The following SLC39A9 variants were observed in gnomAD, a reference collection of about 807,000 sequenced individuals.
The protein encoded by SLC39A9 is solute carrier family 39 member 9, also known as zinc transporter ZIP9.
Under a neutral mutation model 28.4 loss-of-function variants are expected in SLC39A9, and 14 were observed. The ratio of observed to expected loss-of-function variants is 0.49; its 90% CI spans 0.33 to 0.77. The LOEUF is 0.77. Ranked by LOEUF, SLC39A9 falls within the 30% of genes least tolerant of loss-of-function variation. The pLI is 0.02. For synonymous variants in SLC39A9, 119 were observed against 149.6 expected, an observed-to-expected ratio of 0.80 and a Z score of 1.49; for missense variants, 283 against 381.1, an observed-to-expected ratio of 0.74 and a Z score of 2.14.
At chr14:69,430,354 T>C (rs116276413) in intron 2 of SLC39A9, among the ~76,000 whole-genome samples, 119 of 152,358 alleles carry the variant, frequency 7.8e-4, no homozygotes, top group African/African-American at 2.6e-3. Flanking sequence ...TGATCTATTT[T>C]GAATGCAGGT....
chr14:69,461,785 A>G lies in SLC39A9; in HGVS notation c.*3192A>G. On this transcript the variant is annotated 3_prime_UTR_variant, in exon 7 of 7. Coordinates refer to ENST00000336643, the MANE Select transcript of SLC39A9 (RefSeq NM_018375.5). ...AGGGACTGAACACAGGAACCGTATG[A>G]CAGCAGCACAAACCCCCAAAGGATG... The G allele has an allele frequency of 1.3e-6, 2 of 1,522,720 alleles. No homozygotes were observed. The highest frequency in any genetic ancestry group is 2.0e-5 in the Admixed American group (1 of 50,036). The allele number at this position is 1,522,720 out of a possible 1,614,324, so 94.3% of individuals were successfully genotyped here.
chr14:69,461,643 T>G lies in SLC39A9; in HGVS notation c.*3050T>G. ...GAAAGGAGAAAATGTGATTGTGTTT[T>G]TTTTTTACCAGCCTACTTCTAAGTG... On this transcript the variant is annotated 3_prime_UTR_variant, in exon 7 of 7. Transcript: ENST00000336643. 1 of 1,531,716 alleles carries G rather than the reference T, an allele frequency of 6.5e-7. No individual in the cohort carries two copies. The highest frequency in any genetic ancestry group is 8.7e-7 in the Non-Finnish European group (1 of 1,145,644). The allele number at this position is 1,531,716 out of a possible 1,614,324, so 94.9% of individuals were successfully genotyped here.
At chr14:69,425,434 A>G (rs1395747754) in intron 2 of SLC39A9, among the ~76,000 whole-genome samples, 2 of 152,084 alleles carry the variant, frequency 1.3e-5, no homozygotes, top group African/African-American at 2.4e-5. Context: ...GATAATGAAA[A>G]TTCCTTGAGG....
At chr14:69,399,562 C>A in intron 1 of SLC39A9, 97 bp downstream of exon 1, 1 of 861,860 alleles carries the variant, frequency 1.2e-6, no homozygotes, top group Non-Finnish European at 1.9e-6. Context: ...AATCTCAAAG[C>A]TGAAGGTCTC....
chr14:69,439,302 G>A (rs747594728), intron 2 of SLC39A9, among the ~76,000 whole-genome samples: 8 of 151,868 alleles, frequency 5.3e-5, no homozygotes, highest in Non-Finnish European at 8.8e-5. Flanking sequence ...TACACGTTGC[G>A]CACATGTACC....
intron 1 of SLC39A9, among the ~76,000 whole-genome samples, chr14:69,402,370 T>C (rs75962672): frequency 0.12 from 18,751 of 152,300 alleles, 1,379 homozygotes; most frequent in Middle Eastern, 0.24. Flanking sequence ...AAGATATGCT[T>C]TTTATTCATG....
chr14:69,458,827 G>A lies in SLC39A9; in HGVS notation c.*234G>A, dbSNP rs1199673443. On this transcript the variant is annotated 3_prime_UTR_variant, in exon 7 of 7. Coordinates refer to ENST00000336643, the MANE Select transcript of SLC39A9 (RefSeq NM_018375.5). ...ATCCCATTGTGTTATCTTTTAAAAG[G>A]CCCTTGACATTTTGCGTTTTAATAT... 1.3e-5 allele frequency: 17 copies of A among 1,263,996 alleles called. No individual in the cohort carries two copies. Among genetic ancestry groups the A allele is most frequent in the South Asian group, 3.2e-5 (1 of 30,796 alleles). The allele number at this position is 1,263,996 out of a possible 1,614,324, so 78.3% of individuals were successfully genotyped here.
chr14:69,434,474 C>A (rs1469189341), intron 2 of SLC39A9, among the ~76,000 whole-genome samples: 1 of 151,832 alleles, frequency 6.6e-6, no homozygotes, highest in Non-Finnish European at 1.5e-5. Context: ...TAACTTCAGA[C>A]CAGGAGTTTG....
Position 69,443,825 on chromosome 14 carries a change from C to T in SLC39A9, c.403+1559C>T, listed in dbSNP as rs982844198. On this transcript the variant is annotated intron_variant, in intron 3 of 6. Transcript: ENST00000336643. ...TTGAGGCTGCAGTGAGCTGAGATCACGCCACTGCACTCCAGCCTGGGTGAC... is the reference window on the plus strand; with the variant it reads ...TTGAGGCTGCAGTGAGCTGAGATCATGCCACTGCACTCCAGCCTGGGTGAC... Among the ~76,000 whole-genome samples, 3 of 152,086 alleles carry T rather than the reference C, an allele frequency of 2.0e-5. No homozygotes were observed. In the East Asian group the frequency reaches 5.8e-4, roughly 29 times the overall value.
At chr14:69,436,637 G>A (rs967254425) in intron 2 of SLC39A9, among the ~76,000 whole-genome samples, 1 of 152,144 alleles carries the variant, frequency 6.6e-6, no homozygotes, top group Non-Finnish European at 1.5e-5. Context: ...GCTATGTCCT[G>A]TGTATACTGA....
At chr14:69,410,929 A>G (rs1223284932) in intron 1 of SLC39A9, among the ~76,000 whole-genome samples, 4 of 152,154 alleles carry the variant, frequency 2.6e-5, no homozygotes, top group Non-Finnish European at 5.9e-5. Flanking sequence ...AAGCTTTTAA[A>G]GACTGGATGC....
intron 2 of SLC39A9, among the ~76,000 whole-genome samples, chr14:69,441,084 C>G (rs879859991): frequency 2.6e-5 from 4 of 152,114 alleles, no homozygotes; most frequent in Non-Finnish European, 5.9e-5. Flanking sequence ...TCAAGACCAG[C>G]CTAGGCAACA....
chr14:69,417,957 A>C (rs1225312544), intron 1 of SLC39A9, among the ~76,000 whole-genome samples: 1 of 151,966 alleles, frequency 6.6e-6, no homozygotes, highest in Non-Finnish European at 1.5e-5. Context: ...AATACCCTTT[A>C]TTTCTTTCTC....
intron 1 of SLC39A9, among the ~76,000 whole-genome samples, chr14:69,415,709 T>G (rs2140262826): frequency 6.6e-6 from 1 of 152,246 alleles, no homozygotes; most frequent in South Asian, 2.1e-4. Context: ...CGTTGCAGCT[T>G]TAGTTTCCCC....
At chr14:69,415,142 T>G (rs1165454573) in intron 1 of SLC39A9, among the ~76,000 whole-genome samples, 1 of 152,252 alleles carries the variant, frequency 6.6e-6, no homozygotes, top group Non-Finnish European at 1.5e-5. Context: ...TGTGGACATA[T>G]GTTTTCATTT....
intron 3 of SLC39A9, among the ~76,000 whole-genome samples, chr14:69,448,023 G>A (rs1369877898): frequency 6.6e-6 from 1 of 151,684 alleles, no homozygotes; most frequent in East Asian, 1.9e-4. Context: ...GACCATCCTG[G>A]CTAACACGGT....
intron 2 of SLC39A9, among the ~76,000 whole-genome samples, chr14:69,430,340 C>A (rs1884424346): frequency 6.6e-6 from 1 of 152,040 alleles, no homozygotes; most frequent in Non-Finnish European, 1.5e-5. Context: ...TACATTTAAT[C>A]CTATGATCTA....
intron 3 of SLC39A9, among the ~76,000 whole-genome samples, chr14:69,449,930 G>A (rs1885523570): frequency 6.6e-6 from 1 of 152,100 alleles, no homozygotes; most frequent in Non-Finnish European, 1.5e-5. Context: ...GCTCACACCT[G>A]TAATCCCAGC....
chr14:69,427,172 T>G (rs1390762446), intron 2 of SLC39A9, among the ~76,000 whole-genome samples: 1 of 151,894 alleles, frequency 6.6e-6, no homozygotes, highest in Non-Finnish European at 1.5e-5. Flanking sequence ...CCAGCTAATT[T>G]TCAGATTTTT....
Sources: allele counts gnomAD v4.1 joint callset (sites outside exome capture counted in the v4.1 genomes callset), GRCh38; gene constraint gnomAD v4.1.1; transcripts MANE v1.5; gene names NCBI Gene and HGNC (gene_info 2026-07-23, HGNC 2026-07-21).